Variants in GRID2 observed in about 807,000 individuals in gnomAD.
The protein encoded by GRID2 is glutamate ionotropic receptor delta type subunit 2.
GRID2 carries 33 observed loss-of-function variants against 114.8 expected under a neutral mutation model. That is an observed-to-expected ratio of 0.29 (90% CI 0.22 to 0.38). GRID2 has a LOEUF of 0.38. Among genes scored for constraint, GRID2 ranks in the 10% least tolerant of loss-of-function variants. GRID2 has a pLI of 1.00. For synonymous variants in GRID2, 505 were observed against 449.9 expected (o/e 1.12, Z -1.55); for missense variants, 1,184 against 1,257.7 (o/e 0.94, Z 0.89).
chr4:93,400,397 C>T (rs1237937759), intron 9 of GRID2, among the ~76,000 whole-genome samples: 1 of 152,056 alleles, frequency 6.6e-6, no homozygotes, highest in Non-Finnish European at 1.5e-5. Context: ...CCATAATTTG[C>T]CCACTGATCT....
At chr4:92,847,393 C>T (rs749833935) in intron 2 of GRID2, among the ~76,000 whole-genome samples, 27 of 152,016 alleles carry the variant, frequency 1.8e-4, no homozygotes, top group Admixed American at 8.5e-4. Flanking sequence ...GCTTCTTTGC[C>T]ATAAGCACTC....
intron 1 of GRID2, among the ~76,000 whole-genome samples, chr4:92,544,789 G>C (rs1241707562): frequency 1.3e-5 from 2 of 152,018 alleles, no homozygotes; most frequent in East Asian, 3.9e-4. Flanking sequence ...CACATGCATA[G>C]TATTTGTGAA....
rs543708456 is a variant in GRID2 at position 92,791,007 on chromosome 4, A to G, written c.244+200721A>G. 8.6e-5 allele frequency among the ~76,000 whole-genome samples: 13 copies of G among 151,774 alleles called. No individual in the cohort carries two copies. In the East Asian group the frequency reaches 1.6e-3, roughly 18 times the overall value. ...TTATTTGTACAACAGAAGAAATAATAGTTTCTCCTTTATGTGCTTCTTGTG... is the reference window on the plus strand; with the variant it reads ...TTATTTGTACAACAGAAGAAATAATGGTTTCTCCTTTATGTGCTTCTTGTG... On this transcript the variant is annotated intron_variant, in intron 2 of 15. Coordinates refer to ENST00000282020, the MANE Select transcript of GRID2 (RefSeq NM_001510.4).
chr4:92,458,031 T>G (rs746663968), intron 1 of GRID2, among the ~76,000 whole-genome samples: 1 of 152,214 alleles, frequency 6.6e-6, no homozygotes, highest in African/African-American at 2.4e-5. Flanking sequence ...AGTCATGAAT[T>G]GTGCATTTAG....
chr4:92,476,780 T>G (rs1722334431), intron 1 of GRID2, among the ~76,000 whole-genome samples: 1 of 152,160 alleles, frequency 6.6e-6, no homozygotes, highest in Non-Finnish European at 1.5e-5. Flanking sequence ...TATCACAACA[T>G]GTAGTCAAAT....
chr4:93,340,796 T>G (rs1759569127), intron 8 of GRID2, among the ~76,000 whole-genome samples: 1 of 152,118 alleles, frequency 6.6e-6, no homozygotes, highest in Admixed American at 6.6e-5. Flanking sequence ...GGGCTTTCTC[T>G]TTGGAGGGAA....
chr4:92,970,492 T>C (rs1241066390), intron 2 of GRID2, among the ~76,000 whole-genome samples: 1 of 152,018 alleles, frequency 6.6e-6, no homozygotes, highest in African/African-American at 2.4e-5. Context: ...TTGTGATAAC[T>C]ATAAAGACAA....
intron 9 of GRID2, among the ~76,000 whole-genome samples, chr4:93,401,037 T>G (rs1160308287): frequency 5.9e-5 from 9 of 151,990 alleles, no homozygotes; most frequent in Admixed American, 5.9e-4. Context: ...CTCGCTATGT[T>G]GCCCAAGCTG....
chr4:92,927,488 T>C (rs892047020), intron 2 of GRID2, among the ~76,000 whole-genome samples: 3 of 151,822 alleles, frequency 2.0e-5, no homozygotes, highest in Non-Finnish European at 4.4e-5. Flanking sequence ...ATGCTACCTG[T>C]ACACAGTTGG....
intron 2 of GRID2, among the ~76,000 whole-genome samples, chr4:92,722,657 C>A (rs1041728746): frequency 1.3e-5 from 2 of 151,948 alleles, no homozygotes; most frequent in African/African-American, 4.8e-5. Context: ...ATCTGCTATA[C>A]CCATCTGGGA....
chr4:93,032,758 T>C (rs1215709597), intron 2 of GRID2, among the ~76,000 whole-genome samples: 1 of 152,184 alleles, frequency 6.6e-6, no homozygotes, highest in Non-Finnish European at 1.5e-5. Flanking sequence ...AAAGATAGAA[T>C]GTATACTTCA....
At chr4:93,200,097 T>C (rs1741912869) in intron 4 of GRID2, among the ~76,000 whole-genome samples, 1 of 152,206 alleles carries the variant, frequency 6.6e-6, no homozygotes, top group East Asian at 1.9e-4. Flanking sequence ...TGGATATAGT[T>C]TGAACTGTAA....
intron 1 of GRID2, among the ~76,000 whole-genome samples, chr4:92,586,279 G>A (rs1294301710): frequency 6.6e-6 from 1 of 150,904 alleles, no homozygotes; most frequent in Non-Finnish European, 1.5e-5. Flanking sequence ...TATTTAAAAG[G>A]CATATTTGTG....
chr4:92,751,023 A>G (rs1461660472), intron 2 of GRID2, among the ~76,000 whole-genome samples: 3 of 152,188 alleles, frequency 2.0e-5, no homozygotes, highest in African/African-American at 7.2e-5. Context: ...TTGGAATGGT[A>G]TTTGTTAATT....
rs142881384 is a variant in GRID2 at position 92,492,928 on chromosome 4, A to C, written c.89-97203A>C. 2.7e-3 allele frequency among the ~76,000 whole-genome samples: 414 copies of C among 152,174 alleles called. 1 individual carries two copies. Among genetic ancestry groups the C allele is most frequent in the African/African-American group, 9.6e-3 (400 of 41,530 alleles). ...CGGATCACTGGAGGTCAGGAGTTCA[A>C]GATTAACCTGGCCAACATGGTGAAA... On this transcript the variant is annotated intron_variant, in intron 1 of 15. Coordinates refer to ENST00000282020, the MANE Select transcript of GRID2 (RefSeq NM_001510.4).
At chr4:92,582,068 G>A (rs576103819) in intron 1 of GRID2, among the ~76,000 whole-genome samples, 1 of 152,138 alleles carries the variant, frequency 6.6e-6, no homozygotes, top group Non-Finnish European at 1.5e-5. Flanking sequence ...AGAACAAAGT[G>A]CTAAGTAAGC....
intron 2 of GRID2, among the ~76,000 whole-genome samples, chr4:92,936,708 A>G (rs1254834554): frequency 2.7e-5 from 4 of 146,258 alleles, no homozygotes; most frequent in South Asian, 4.6e-4. Flanking sequence ...CAATTAAGAG[A>G]TTTTTGGAAG....
At chr4:93,035,577 C>G (rs1724861495) in intron 2 of GRID2, among the ~76,000 whole-genome samples, 2 of 152,100 alleles carry the variant, frequency 1.3e-5, no homozygotes, top group Admixed American at 1.3e-4. Context: ...GTCAGGGTCT[C>G]TCACAAGGCC....
At chr4:92,916,530 G>T (rs762032206) in intron 2 of GRID2, among the ~76,000 whole-genome samples, 13 of 151,836 alleles carry the variant, frequency 8.6e-5, no homozygotes, top group Non-Finnish European at 1.3e-4. Flanking sequence ...CCCACAACAG[G>T]CCCTCGTGTG....
Sources: gnomAD v4.1 joint callset for allele counts (sites outside exome capture counted in the v4.1 genomes callset) on GRCh38, gnomAD v4.1.1 for gene constraint, MANE v1.5 for transcripts, NCBI Gene and HGNC (gene_info 2026-07-23, HGNC 2026-07-21) for gene names.